PCDHGA12: variants seen among roughly 807,000 people sequenced by gnomAD.
PCDHGA12 encodes the protein protocadherin gamma subfamily A, 12, also known as protocadherin gamma-A12.
PCDHGA12 carries 43 observed loss-of-function variants against 61.1 expected under a neutral mutation model. The observed-to-expected ratio is 0.70, with a 90% CI of 0.55 to 0.91. The LOEUF (loss-of-function observed/expected upper bound fraction) is 0.91, where lower values mean the gene tolerates loss of function less well. Among genes scored for constraint, PCDHGA12 ranks in the 40% least tolerant of loss-of-function variants. PCDHGA12 has a pLI of 0.00. For synonymous variants in PCDHGA12, 520 were observed against 542.9 expected, an observed-to-expected ratio of 0.96 and a Z score of 0.59; for missense variants, 1,236 against 1,227.7, an observed-to-expected ratio of 1.01 and a Z score of -0.10.
In PCDHGA12 at chr5:141,491,219, C is replaced by T; in HGVS notation, c.2425-3588C>T. ...GGTGACCCTTCACTCTCCTCCACAG[C>T]CACAGTGCTGCTGGTTCTGGAGGAT... is the stretch of plus-strand genomic sequence containing the variant. On this transcript the variant is annotated intron_variant, in intron 1 of 3. Coordinates refer to ENST00000252085, the MANE Select transcript of PCDHGA12 (RefSeq NM_003735.3). The surrounding 1 kb of genome is among the most constrained non-coding windows in gnomAD (Gnocchi z 6.9). 3 of 1,614,208 alleles carry T rather than the reference C, an allele frequency of 1.9e-6. No homozygotes were observed. The highest frequency in any genetic ancestry group is 2.5e-6 in the Non-Finnish European group (3 of 1,180,028).
rs754537015 is a variant in PCDHGA12 at position 141,431,184 on chromosome 5, T to C, written c.425T>C (p.Ile142Thr). The C allele has an allele frequency of 2.5e-6, 4 of 1,614,090 alleles. No individual in the cohort carries two copies. In the South Asian group the frequency reaches 3.3e-5, roughly 13 times the overall value. ...CGTGAAAGTGAATTAGAAATAAAAATTAGTGAAAATGCAGCCACTGAGATG... is the reference window on the plus strand; with the variant it reads ...CGTGAAAGTGAATTAGAAATAAAAACTAGTGAAAATGCAGCCACTGAGATG... ...YFRESELEIK[I>T]SENAATEMRF... Residue 142 changes from isoleucine to threonine, a missense_variant, in exon 1 of 4, where the codon ATT becomes ACT. Coordinates refer to ENST00000252085, the MANE Select transcript of PCDHGA12 (RefSeq NM_003735.3). This position sits in a 1 kb window ranked among gnomAD's most constrained non-coding sequence, Gnocchi z 4.8.
chr5:141,503,400 A>C (rs2099819725), intron 2 of PCDHGA12, among the ~76,000 whole-genome samples: 1 of 151,750 alleles, frequency 6.6e-6, no homozygotes, highest in Non-Finnish European at 1.5e-5. Context: ...TTCGAAACCA[A>C]CCTGGCCAAT....
chr5:141,507,344 AT>A (rs1345461058), intron 3 of PCDHGA12: 5 of 152,206 alleles, frequency 3.3e-5, no homozygotes, highest in Non-Finnish European at 5.9e-5. Context: ...TTTACCTGAA[AT>A]TCAAATTTAA....
Position 141,477,486 on chromosome 5 carries a change from C to A in PCDHGA12, c.2425-17321C>A. On this transcript the variant is annotated intron_variant, in intron 1 of 3. Coordinates refer to ENST00000252085, the MANE Select transcript of PCDHGA12 (RefSeq NM_003735.3). This position sits in a 1 kb window ranked among gnomAD's most constrained non-coding sequence, Gnocchi z 4.9. ...GACATCAATGACAACCCTCCACAAT[C>A]TTCTCAATCTTCCTACGACGTTTAC... is the stretch of plus-strand genomic sequence containing the variant. The A allele has an allele frequency of 6.2e-7, 1 of 1,614,170 alleles. No homozygotes were observed. The highest frequency in any genetic ancestry group is 8.5e-7 in the Non-Finnish European group (1 of 1,180,040).
intron 2 of PCDHGA12, among the ~76,000 whole-genome samples, chr5:141,496,411 CT>C (rs1266082660): frequency 6.6e-6 from 1 of 152,190 alleles, no homozygotes; most frequent in African/African-American, 2.4e-5. Context: ...TGGTTGAGTA[CT>C]TGCTGTCCAC....
intron 3 of PCDHGA12, among the ~76,000 whole-genome samples, chr5:141,505,765 T>C (rs970212345): frequency 5.3e-5 from 8 of 151,922 alleles, no homozygotes; most frequent in African/African-American, 1.9e-4. Flanking sequence ...ACAGTGTAGC[T>C]CAGGTCCTAG....
intron 1 of PCDHGA12, chr5:141,441,650 G>C (rs932742795): frequency 8.4e-6 from 2 of 238,510 alleles, no homozygotes; most frequent in African/African-American, 2.4e-5. Context: ...TGTGATTCTA[G>C]GTGTCCTTGA....
rs530261329 is a variant in PCDHGA12, at chr5:141,440,076, A to G, written c.2424+6893A>G. 2.4e-4 allele frequency: 37 copies of G among 152,560 alleles called. No individual in the cohort carries two copies. In the South Asian group the frequency reaches 3.7e-3, roughly 15 times the overall value. The allele number at this position is 152,560 out of a possible 1,614,324, so 9.5% of individuals were successfully genotyped here. On this transcript the variant is annotated intron_variant, in intron 1 of 3. Coordinates refer to ENST00000252085, the MANE Select transcript of PCDHGA12 (RefSeq NM_003735.3). Reference sequence around the variant, plus strand: ...CTTCGGGTTAATGCTGAGGAATAATACTTCATTCTAAGTGGGGAAAGTGGA... The same window carrying G: ...CTTCGGGTTAATGCTGAGGAATAATGCTTCATTCTAAGTGGGGAAAGTGGA...
At position 141,487,748 on chromosome 5, in the gene PCDHGA12, T is replaced by C. The variant is rs1458153935; in HGVS notation, c.2425-7059T>C. On this transcript the variant is annotated intron_variant, in intron 1 of 3. Coordinates refer to ENST00000252085, the MANE Select transcript of PCDHGA12 (RefSeq NM_003735.3). The surrounding 1 kb of genome is among the most constrained non-coding windows in gnomAD (Gnocchi z 5.0). ...TGTCACCATTTTTGTAAGAGGTAAC[T>C]ATGTGGTAGACGCTGTGCTTTGTAA... 1 of 1,557,436 alleles carries C rather than the reference T, an allele frequency of 6.4e-7. No individual in the cohort carries two copies. Among genetic ancestry groups the C allele is most frequent in the Non-Finnish European group, 8.7e-7 (1 of 1,149,514 alleles).
rs777535962 is a variant in PCDHGA12, at chr5:141,431,195, G to T, written c.436G>T (p.Ala146Ser). The T allele has an allele frequency of 1.2e-6, 2 of 1,614,166 alleles. No homozygotes were observed. Among genetic ancestry groups the T allele is most frequent in the East Asian group, 2.2e-5 (1 of 44,890 alleles). Residue 146 changes from alanine to serine, a missense_variant, in exon 1 of 4, where the codon GCA (alanine) becomes TCA (serine). Physicochemically the swap from Ala to Ser is moderately conservative, Grantham distance 99. Transcript: ENST00000252085. The surrounding 1 kb of genome is among the most constrained non-coding windows in gnomAD (Gnocchi z 4.8). ...ATTAGAAATAAAAATTAGTGAAAAT[G>T]CAGCCACTGAGATGCGGTTCCCTCT... is the stretch of plus-strand genomic sequence containing the variant. ...SELEIKISENAATEMRFPLPH... is the reference protein window; with the variant it reads ...SELEIKISENSATEMRFPLPH...
intron 2 of PCDHGA12, among the ~76,000 whole-genome samples, chr5:141,501,506 G>A (rs770097282): frequency 1.3e-5 from 2 of 151,864 alleles, no homozygotes; most frequent in Non-Finnish European, 2.9e-5. Context: ...GGGGCTCCAA[G>A]GCCTCCAAGC....
Position 141,487,322 on chromosome 5 carries a change from C to T in PCDHGA12, c.2425-7485C>T, listed in dbSNP as rs760334964. 7.4e-6 allele frequency: 12 copies of T among 1,614,134 alleles called. No homozygotes were observed. Among genetic ancestry groups the T allele is most frequent in the South Asian group, 3.3e-5 (3 of 91,082 alleles). ...CGTGGCACTACTCTCTAAGTGTCTT[C>T]GTGGGGCAGCCTGTGGAGTCACATG... On this transcript the variant is annotated intron_variant, in intron 1 of 3. Coordinates refer to ENST00000252085, the MANE Select transcript of PCDHGA12 (RefSeq NM_003735.3). The surrounding 1 kb of genome is among the most constrained non-coding windows in gnomAD (Gnocchi z 5.0).
chr5:141,486,617 C>A lies in PCDHGA12; in HGVS notation c.2425-8190C>A. On this transcript the variant is annotated intron_variant, in intron 1 of 3. Coordinates refer to ENST00000252085, the MANE Select transcript of PCDHGA12 (RefSeq NM_003735.3). The surrounding 1 kb of genome is among the most constrained non-coding windows in gnomAD (Gnocchi z 5.0). The stretch of plus-strand genomic sequence containing the variant: ...GCTTTGCTCCCTTGCAGCCTCTGAC[C>A]CAGACTCTGGCTTGAATGCGCTTAT... The A allele has an allele frequency of 1.2e-6, 2 of 1,613,602 alleles. No homozygotes were observed. The highest frequency in any genetic ancestry group is 2.2e-5 in the East Asian group (1 of 44,874).
At position 141,438,611 on chromosome 5, in the gene PCDHGA12, TATATATATATATATATATATATATACAC is replaced by T. The variant is rs1434670383; in HGVS notation, c.2424+5430_2424+5457del. On this transcript the variant is annotated intron_variant, in intron 1 of 3. Transcript: ENST00000252085. ...ACATACATATATATATATATATATA[TATATATATATATATATATATATATACAC>T]ACACACACACACATATATGTATATA... Among the ~76,000 whole-genome samples the T allele has an allele frequency of 2.7e-3, 107 of 39,370 alleles. 2 individuals are homozygous for T. Among genetic ancestry groups the T allele is most frequent in the Admixed American group, 0.019 (57 of 3,044 alleles). The allele number at this position is 39,370 out of a possible 152,430, so 25.8% of individuals were successfully genotyped here.
chr5:141,487,864 C>A lies in PCDHGA12; in HGVS notation c.2425-6943C>A. On this transcript the variant is annotated intron_variant, in intron 1 of 3. Coordinates refer to ENST00000252085, the MANE Select transcript of PCDHGA12 (RefSeq NM_003735.3). The surrounding 1 kb of genome is among the most constrained non-coding windows in gnomAD (Gnocchi z 5.0). ...GTAAGAAATGAAAGTAATTGGTGAT[C>A]AAGAGCCAGGCTGTTGTGGAAGCAT... 1 of 899,610 alleles carries A rather than the reference C, an allele frequency of 1.1e-6. No individual in the cohort carries two copies. Among genetic ancestry groups the A allele is most frequent in the Non-Finnish European group, 1.7e-6 (1 of 599,584 alleles). The allele number at this position is 899,610 out of a possible 1,614,324, so 55.7% of individuals were successfully genotyped here.
At position 141,511,216 on chromosome 5, in the gene PCDHGA12, C is replaced by G. The variant is rs374915167; in HGVS notation, c.*43C>G. Reference sequence around the variant, plus strand: ...GAGCCACAGGGCGGCCTCTCCCCAACCAGCCCAGCTTCTCCTTACCTGCAC... The same window carrying G: ...GAGCCACAGGGCGGCCTCTCCCCAAGCAGCCCAGCTTCTCCTTACCTGCAC... On this transcript the variant is annotated 3_prime_UTR_variant, in exon 4 of 4. Coordinates refer to ENST00000252085, the MANE Select transcript of PCDHGA12 (RefSeq NM_003735.3). 4.2e-5 allele frequency: 68 copies of G among 1,608,004 alleles called. No individual in the cohort carries two copies. The highest frequency in any genetic ancestry group is 6.7e-5 in the East Asian group (3 of 44,538).
chr5:141,450,831 T>TATTA (rs761717068), intron 1 of PCDHGA12, among the ~76,000 whole-genome samples: 2 of 144,580 alleles, frequency 1.4e-5, no homozygotes, highest in South Asian at 2.2e-4. Flanking sequence ...TTATTATTAT[T>TATTA]TTTTTTTTTT....
Position 141,487,165 on chromosome 5 carries a change from C to T in PCDHGA12, c.2425-7642C>T, listed in dbSNP as rs1014219030. The T allele has an allele frequency of 1.9e-6, 3 of 1,612,932 alleles. No homozygotes were observed. The highest frequency in any genetic ancestry group is 2.5e-6 in the Non-Finnish European group (3 of 1,178,918). On this transcript the variant is annotated intron_variant, in intron 1 of 3. Coordinates refer to ENST00000252085, the MANE Select transcript of PCDHGA12 (RefSeq NM_003735.3). The surrounding 1 kb of genome is among the most constrained non-coding windows in gnomAD (Gnocchi z 5.0). ...CTACCTCTGTTACTCTCTTAGTGTC[C>T]TTAGAGGAAGACACTCATCCAGTTG...
Position 141,490,051 on chromosome 5 carries a change from G to C in PCDHGA12, c.2425-4756G>C, listed in dbSNP as rs779280988. 1 of 1,614,214 alleles carries C rather than the reference G, an allele frequency of 6.2e-7. No individual in the cohort carries two copies. The highest frequency in any genetic ancestry group is 1.1e-5 in the South Asian group (1 of 91,082). On this transcript the variant is annotated intron_variant, in intron 1 of 3. Coordinates refer to ENST00000252085, the MANE Select transcript of PCDHGA12 (RefSeq NM_003735.3). The surrounding 1 kb of genome is among the most constrained non-coding windows in gnomAD (Gnocchi z 5.4). Reference sequence around the variant, plus strand: ...CCGCCTCAATGCCACTGATCCAGACGAGGGCACCAACGGCCAACTAGACTA... The same window carrying C: ...CCGCCTCAATGCCACTGATCCAGACCAGGGCACCAACGGCCAACTAGACTA...
Sources: gnomAD v4.1 joint callset for allele counts (sites outside exome capture counted in the v4.1 genomes callset) on GRCh38, gnomAD v4.1.1 for gene constraint, Gnocchi (gnomAD v3.1) non-coding constraint, MANE v1.5 for transcripts, NCBI Gene and HGNC (gene_info 2026-07-23, HGNC 2026-07-21) for gene names.